The following ALCAM variants were observed in gnomAD, a reference collection of about 807,000 sequenced individuals.
The protein encoded by ALCAM is activated leukocyte cell adhesion molecule.
Under a neutral mutation model 70.9 loss-of-function variants are expected in ALCAM, and 30 were observed. The ratio of observed to expected loss-of-function variants is 0.42; its 90% confidence interval spans 0.32 to 0.57. ALCAM has a LOEUF of 0.57. Among genes scored for constraint, ALCAM ranks in the 20% least tolerant of loss-of-function variants. ALCAM has a pLI of 0.11. For synonymous variants in ALCAM, 249 were observed against 242.5 expected, an observed-to-expected ratio of 1.03 and a Z score of -0.25; for missense variants, 591 against 695.1, an observed-to-expected ratio of 0.85 and a Z score of 1.68.
intron 1 of ALCAM, among the ~76,000 whole-genome samples, chr3:105,386,134 G>T (rs1231173272): frequency 6.6e-6 from 1 of 151,588 alleles, no homozygotes; most frequent in Non-Finnish European, 1.5e-5. Context: ...CAAGACTATA[G>T]AGGAAGTTAA....
chr3:105,432,249 T>C (rs1355700544), intron 1 of ALCAM, among the ~76,000 whole-genome samples: 3 of 152,192 alleles, frequency 2.0e-5, no homozygotes, highest in African/African-American at 7.2e-5. Context: ...AATTCATGCA[T>C]ATCAAATCCT....
intron 1 of ALCAM, among the ~76,000 whole-genome samples, chr3:105,464,877 C>T (rs1307601518): frequency 6.6e-6 from 1 of 151,330 alleles, no homozygotes; most frequent in Non-Finnish European, 1.5e-5. Context: ...ATGCATTCAA[C>T]GGTGTAACCA....
intron 1 of ALCAM, among the ~76,000 whole-genome samples, chr3:105,408,609 A>G (rs982584206): frequency 1.3e-5 from 2 of 152,146 alleles, no homozygotes; most frequent in Admixed American, 6.6e-5. Context: ...ACAAGGTAAC[A>G]TAAGAAAAAC....
chr3:105,398,796 A>G (rs905104908), intron 1 of ALCAM, among the ~76,000 whole-genome samples: 1 of 151,886 alleles, frequency 6.6e-6, no homozygotes, highest in African/African-American at 2.4e-5. Context: ...CCATTAATTC[A>G]TGTCTACATT....
At position 105,566,952 on chromosome 3, in the gene ALCAM, CT is replaced by C. The variant is rs1306461179; in HGVS notation, c.1665-4894del. Among the ~76,000 whole-genome samples the C allele has an allele frequency of 2.0e-5, 3 of 152,036 alleles. No homozygotes were observed. The East Asian group carries it at 5.8e-4, about 29-fold the overall frequency. ...CTTTAGGAAAGGTCTGCTGGTGATA[CT>C]TTTTTCTACTTTCTTTTCATTTAAT... On this transcript the variant is annotated intron_variant, in intron 14 of 15. Coordinates refer to ENST00000306107, the MANE Select transcript of ALCAM (RefSeq NM_001627.4).
chr3:105,474,671 T>C (rs1317353488), intron 1 of ALCAM, among the ~76,000 whole-genome samples: 1 of 151,768 alleles, frequency 6.6e-6, no homozygotes, highest in Non-Finnish European at 1.5e-5. Context: ...GCAATCTCTT[T>C]TTTTTACGTA....
chr3:105,368,120 C>T (rs1369960257), intron 1 of ALCAM, among the ~76,000 whole-genome samples: 3 of 151,308 alleles, frequency 2.0e-5, no homozygotes, highest in African/African-American at 4.9e-5. Context: ...ACAGCCAGAA[C>T]AGGAATTAGT....
chr3:105,551,502 G>A (rs919552345), intron 12 of ALCAM, among the ~76,000 whole-genome samples: 2 of 151,674 alleles, frequency 1.3e-5, no homozygotes, highest in African/African-American at 2.4e-5. Flanking sequence ...TGGCAGTTCC[G>A]ATGCATGCCC....
chr3:105,412,573 A>G (rs1936416866), intron 1 of ALCAM, among the ~76,000 whole-genome samples: 1 of 152,102 alleles, frequency 6.6e-6, no homozygotes, highest in African/African-American at 2.4e-5. Flanking sequence ...AAGAATTGTA[A>G]TTCAGAATCG....
chr3:105,568,063 A>ATTTTTTTTTTTTTTTTTTTTTTTTTTT (rs71111369), intron 14 of ALCAM, among the ~76,000 whole-genome samples: 1 of 116,956 alleles, frequency 8.6e-6, no homozygotes, highest in African/African-American at 3.1e-5. Context: ...ATTTTATTTT[A>ATTTTTTTTTTTTTTTTTTTTTTTTTTT]TTTTTTTTTT....
At chr3:105,437,244 G>A (rs1937069136) in intron 1 of ALCAM, among the ~76,000 whole-genome samples, 1 of 152,034 alleles carries the variant, frequency 6.6e-6, no homozygotes, top group Non-Finnish European at 1.5e-5. Flanking sequence ...AGTTGCTAAA[G>A]TTTTTTTATT....
chr3:105,503,248 C>T (rs747765750), intron 1 of ALCAM, among the ~76,000 whole-genome samples: 9 of 152,164 alleles, frequency 5.9e-5, no homozygotes, highest in Non-Finnish European at 1.2e-4. Flanking sequence ...TCAAGCTTTT[C>T]CAAAGAGCTA....
At chr3:105,499,844 C>T (rs941498077) in intron 1 of ALCAM, among the ~76,000 whole-genome samples, 3 of 152,210 alleles carry the variant, frequency 2.0e-5, no homozygotes, top group Non-Finnish European at 4.4e-5. Flanking sequence ...CTACCTCTTT[C>T]TTCTACATTC....
At chr3:105,550,281 T>C (rs770395091) in intron 12 of ALCAM, 22 bp downstream of exon 12, 2 of 1,575,040 alleles carry the variant, frequency 1.3e-6, no homozygotes, top group Non-Finnish European at 1.7e-6. Context: ...ATTTCTGGCA[T>C]TACAAAAGTA....
At chr3:105,532,619 A>G (rs545962748) in intron 4 of ALCAM, among the ~76,000 whole-genome samples, 2 of 152,144 alleles carry the variant, frequency 1.3e-5, no homozygotes, top group African/African-American at 2.4e-5. Context: ...GAAAAAATAT[A>G]TAGAGAGAAT....
chr3:105,368,500 A>G (rs1409228196), intron 1 of ALCAM, among the ~76,000 whole-genome samples: 1 of 151,620 alleles, frequency 6.6e-6, no homozygotes, highest in Non-Finnish European at 1.5e-5. Context: ...ATCCCTGCGT[A>G]GACAGTTGCC....
intron 1 of ALCAM, among the ~76,000 whole-genome samples, chr3:105,389,361 T>C (rs1368922358): frequency 7.4e-6 from 1 of 135,736 alleles, no homozygotes; most frequent in Non-Finnish European, 1.5e-5. Context: ...TGTATGCTCA[T>C]ATATACATAG....
At chr3:105,440,284 AG>A (rs1159584799) in intron 1 of ALCAM, among the ~76,000 whole-genome samples, 2 of 152,230 alleles carry the variant, frequency 1.3e-5, no homozygotes, top group Non-Finnish European at 2.9e-5. Context: ...TCCTCCTAGG[AG>A]GTGGCACTTG....
chr3:105,407,702 A>C (rs1223743217), intron 1 of ALCAM, among the ~76,000 whole-genome samples: 3 of 152,168 alleles, frequency 2.0e-5, no homozygotes, highest in South Asian at 2.1e-4. Context: ...TCAACACAAT[A>C]CTGGAAGTCC....
Sources: gnomAD v4.1 joint callset for allele counts (sites outside exome capture counted in the v4.1 genomes callset) on GRCh38, gnomAD v4.1.1 for gene constraint, MANE v1.5 for transcripts, NCBI Gene and HGNC (gene_info 2026-07-23, HGNC 2026-07-21) for gene names.